Variants in CNOT1 observed in about 807,000 individuals in gnomAD.
CNOT1 encodes the protein CCR4-NOT transcription complex subunit 1.
A neutral mutation model predicts 273.8 loss-of-function variants in CNOT1; 15 were observed. The ratio of observed to expected loss-of-function variants is 0.05; its 90% CI spans 0.04 to 0.08. The LOEUF (loss-of-function observed/expected upper bound fraction) is 0.08, where lower values mean the gene tolerates loss of function less well. CNOT1 is among the 10% of genes least tolerant of loss of function. The pLI, the probability that CNOT1 is intolerant of heterozygous loss-of-function variation, is 1.00. For missense variants in CNOT1, 1,644 were observed against 2,912.2 expected (o/e 0.56, Z 10.02); for synonymous variants, 1,022 against 1,005.5 (o/e 1.02, Z -0.31).
chr16:58,551,072 A>G, intron 24 of CNOT1, 60 bp downstream of exon 24: 1 of 1,585,036 alleles, frequency 6.3e-7, no homozygotes, highest in Non-Finnish European at 8.5e-7. Context: ...GGCCAACTAT[A>G]CATCCTTTAG....
chr16:58,555,643 G>A, intron 20 of CNOT1, 106 bp from the exon 21 acceptor site: 1 of 1,537,802 alleles, frequency 6.5e-7, no homozygotes, highest in Non-Finnish European at 8.7e-7. Context: ...TTTACCAAAA[G>A]AGCTTGAGAC....
chr16:58,541,438 T>C, intron 34 of CNOT1, 63 bp downstream of exon 34: 3 of 1,580,910 alleles, frequency 1.9e-6, no homozygotes, highest in Non-Finnish European at 1.7e-6. Context: ...AAAACATATA[T>C]TAAATGTCAA....
intron 8 of CNOT1, among the ~76,000 whole-genome samples, chr16:58,584,952 G>A (rs1462179650): frequency 3.3e-5 from 5 of 152,154 alleles, no homozygotes; most frequent in Non-Finnish European, 7.4e-5. Flanking sequence ...CACAGAAGAA[G>A]GCAGAATGAA....
intron 35 of CNOT1, 76 bp from the exon 36 acceptor site, chr16:58,538,990 C>A (rs1400316427): frequency 1.9e-6 from 3 of 1,553,320 alleles, no homozygotes; most frequent in African/African-American, 2.7e-5. Flanking sequence ...GAAACCAAAT[C>A]TCAATGCCAA....
Position 58,586,705 on chromosome 16 carries a change from A to G in CNOT1, c.477T>C (p.Ser159=). ...TTCCACTGACGTCTGCGTCAATGTA[A>G]GAACGCAGAAGATCTGGAAGCTTCT... ...IKQKLPDLLR[S]YIDADVSGNQ... The change falls in exon 7 of 49, where the codon TCT becomes TCC. Residue 159 remains serine (S), a synonymous_variant. Transcript: ENST00000317147. The G allele has an allele frequency of 6.2e-7, 1 of 1,613,306 alleles. No homozygotes were observed. Among genetic ancestry groups the G allele is most frequent in the Non-Finnish European group, 8.5e-7 (1 of 1,179,922 alleles).
intron 34 of CNOT1, chr16:58,540,170 G>C (rs1224493035): frequency 2.3e-6 from 1 of 437,998 alleles, no homozygotes; most frequent in Non-Finnish European, 4.0e-6. Flanking sequence ...TAAGGGAAGA[G>C]GTGTTTCATT....
At chr16:58,601,079 C>G (rs915848899) in intron 1 of CNOT1, among the ~76,000 whole-genome samples, 1 of 152,316 alleles carries the variant, frequency 6.6e-6, no homozygotes, top group African/African-American at 2.4e-5. Context: ...CTCAGCCTCC[C>G]AAGTAGCTGG....
At chr16:58,541,147 A>G (rs1224405621) in intron 34 of CNOT1, among the ~76,000 whole-genome samples, 1 of 152,136 alleles carries the variant, frequency 6.6e-6, no homozygotes, top group African/African-American at 2.4e-5. Context: ...GGAGGTTGCA[A>G]TGAGCTGAGA....
At position 58,578,840 on chromosome 16, in the gene CNOT1, T is replaced by A; in HGVS notation, c.1443A>T (p.Pro481=). ...GTAGTAAGGCCAATACCAGCATGTC[T>A]GGACAGTGTTTGATAGGGAAGCTGA... The part of the protein sequence containing the change: ...QLFSFPIKHC[P]DMLVLALLQI... The change falls in exon 13 of 49, where the codon CCA becomes CCT. Residue 481 remains proline, a synonymous_variant. Coordinates refer to ENST00000317147, the MANE Select transcript of CNOT1 (RefSeq NM_016284.5). 3 of 1,614,180 alleles carry A rather than the reference T, an allele frequency of 1.9e-6. No homozygotes were observed. Among genetic ancestry groups the A allele is most frequent in the Non-Finnish European group, 2.5e-6 (3 of 1,180,030 alleles).
chr16:58,575,155 T>TGA, intron 14 of CNOT1, 26 bp from the exon 15 acceptor site: 1 of 1,602,314 alleles, frequency 6.2e-7, no homozygotes, highest in Non-Finnish European at 8.5e-7. Context: ...CATTAGATAA[T>TGA]GCAAATGGAG....
chr16:58,594,256 AC>A (rs1483455931), intron 2 of CNOT1, among the ~76,000 whole-genome samples: 1 of 151,302 alleles, frequency 6.6e-6, no homozygotes, highest in African/African-American at 2.5e-5. Context: ...AAACAAAAAA[AC>A]AAAAACAAAA....
At chr16:58,560,519 G>GCC in intron 16 of CNOT1, among the ~76,000 whole-genome samples, 157 bp from the exon 17 acceptor site, 1 of 151,438 alleles carries the variant, frequency 6.6e-6, no homozygotes, top group South Asian at 2.1e-4. Context: ...TGCAACCTCT[G>GCC]CCCCCCGGGT....
chr16:58,531,189 T>C (rs1220462844), intron 42 of CNOT1, among the ~76,000 whole-genome samples: 2 of 152,226 alleles, frequency 1.3e-5, no homozygotes, highest in Non-Finnish European at 2.9e-5. Context: ...GCATTTAATA[T>C]GTTGTGTTCC....
chr16:58,602,553 CAAAAAA>C lies in CNOT1; in HGVS notation c.-174-3048_-174-3043del, dbSNP rs60230860. ...GGGCAACAGAGCAAGACTCTGTCTC[CAAAAAA>C]AAAAAAAAAAAAAAAAAACCCATCC... On this transcript the variant is annotated intron_variant, in intron 1 of 48. Transcript: ENST00000317147. Among the ~76,000 whole-genome samples, 208 of 57,992 alleles carry C rather than the reference CAAAAAA, an allele frequency of 3.6e-3. 4 individuals are homozygous for C. Among genetic ancestry groups the C allele is most frequent in the East Asian group, 0.017 (35 of 2,108 alleles). The allele number at this position is 57,992 out of a possible 152,430, so 38.0% of individuals were successfully genotyped here. A position where few individuals can be genotyped will look rare whatever the true frequency, so the allele number is the denominator to read the frequency against.
intron 17 of CNOT1, 52 bp downstream of exon 17, chr16:58,560,160 C>T: frequency 1.3e-6 from 2 of 1,599,520 alleles, no homozygotes; most frequent in Non-Finnish European, 1.7e-6. Context: ...GGAGCTTATT[C>T]TATTCCAAAT....
Position 58,585,390 on chromosome 16 carries a change from C to T in CNOT1, c.754G>A (p.Glu252Lys). Residue 252 changes from glutamate (E) to lysine (K), a missense_variant, in exon 8 of 49, where the codon GAG (glutamate) becomes AAG (lysine). Around this residue, in one of 13 missense-constraint regions of CNOT1, gnomAD observed 706 missense variants for 1,021.2 expected, o/e 0.69. Coordinates refer to ENST00000317147, the MANE Select transcript of CNOT1 (RefSeq NM_016284.5). ...TGCATGAAATCAGCCAAAGAGCTCT[C>T]CATCATGGTTTTAGCTACCCCTCCG... ...DSGGVAKTMM[E>K]SSLADFMQEV... The T allele has an allele frequency of 1.2e-6, 2 of 1,613,886 alleles. No homozygotes were observed. Among genetic ancestry groups the T allele is most frequent in the Non-Finnish European group, 1.7e-6 (2 of 1,180,010 alleles).
intron 24 of CNOT1, among the ~76,000 whole-genome samples, chr16:58,550,723 C>T (rs531671372): frequency 3.3e-5 from 5 of 152,234 alleles, no homozygotes; most frequent in South Asian, 2.1e-4. Context: ...GCAACCCTAA[C>T]GCCCATGTTG....
At chr16:58,570,983 T>C (rs1395461076) in intron 16 of CNOT1, among the ~76,000 whole-genome samples, 1 of 152,096 alleles carries the variant, frequency 6.6e-6, no homozygotes, top group Non-Finnish European at 1.5e-5. Flanking sequence ...AATAAATACA[T>C]TAAATGCAAG....
rs1394881554 is a variant in CNOT1, at chr16:58,547,145, C to T, written c.3750+41G>A. On this transcript the variant is annotated intron_variant, in intron 27 of 48. Transcript: ENST00000317147. The surrounding 1 kb of genome is among the most constrained non-coding windows in gnomAD (Gnocchi z 4.0). ...GACCTCATGCTAAAACAAAGCAATG[C>T]TTAGAAATTAGTCATAAATAAAATA... 4.4e-6 allele frequency: 7 copies of T among 1,591,182 alleles called. No homozygotes were observed. The highest frequency in any genetic ancestry group is 5.1e-6 in the Non-Finnish European group (6 of 1,169,140).
Sources: allele counts gnomAD v4.1 joint callset (sites outside exome capture counted in the v4.1 genomes callset), GRCh38; gene constraint gnomAD v4.1.1; regional missense constraint gnomAD v4.1.1; non-coding constraint Gnocchi (gnomAD v3.1); transcripts MANE v1.5; gene names NCBI Gene and HGNC (gene_info 2026-07-23, HGNC 2026-07-21).